Variants in CSMD1 observed in about 807,000 individuals in gnomAD.
CSMD1 encodes the protein CUB and sushi domain-containing protein 1.
Under a neutral mutation model 417.5 loss-of-function variants are expected in CSMD1, and 213 were observed. The ratio of observed to expected loss-of-function variants is 0.51; its 90% confidence interval spans 0.46 to 0.57. The LOEUF (loss-of-function observed/expected upper bound fraction) is 0.57, where lower values mean the gene tolerates loss of function less well. Ranked by LOEUF, CSMD1 falls within the 20% of genes least tolerant of loss-of-function variation. The probability of loss-of-function intolerance (pLI) is 0.00; values close to 1 mark genes in which losing one functional copy is unlikely to be tolerated. For synonymous variants in CSMD1, 2,862 were observed against 1,736.8 expected (o/e 1.65, Z -16.11); for missense variants, 6,923 against 4,529.7 (o/e 1.53, Z -15.17).
chr8:4,229,205 T>C (rs147889013), intron 3 of CSMD1, among the ~76,000 whole-genome samples: 2 of 152,226 alleles, frequency 1.3e-5, no homozygotes, highest in African/African-American at 4.8e-5. Context: ...TTCTGTCAAA[T>C]ACCAAATCAG....
At chr8:3,614,474 T>C (rs534142018) in intron 8 of CSMD1, among the ~76,000 whole-genome samples, 3 of 152,298 alleles carry the variant, frequency 2.0e-5, no homozygotes, top group South Asian at 2.1e-4. Flanking sequence ...ACCTAGGATA[T>C]GATTAAAACT....
At chr8:3,308,736 T>TTG (rs1805091965) in intron 23 of CSMD1, among the ~76,000 whole-genome samples, 1 of 61,798 alleles carries the variant, frequency 1.6e-5, no homozygotes, top group Non-Finnish European at 4.4e-5. Context: ...TTACAAGTTT[T>TTG]TTTTTTTTTT....
At chr8:4,493,560 C>A (rs1387975602) in intron 2 of CSMD1, among the ~76,000 whole-genome samples, 2 of 152,070 alleles carry the variant, frequency 1.3e-5, no homozygotes, top group East Asian at 1.9e-4. Flanking sequence ...ATTAGCCAGG[C>A]AATGGGGCAT....
chr8:3,692,647 G>A (rs1201200666), intron 7 of CSMD1, among the ~76,000 whole-genome samples: 1 of 152,012 alleles, frequency 6.6e-6, no homozygotes, highest in Non-Finnish European at 1.5e-5. Context: ...TGGTCAGGCT[G>A]GTCTCGAACC....
intron 5 of CSMD1, among the ~76,000 whole-genome samples, chr8:3,929,314 C>T (rs543095896): frequency 6.6e-6 from 1 of 150,516 alleles, no homozygotes; most frequent in Non-Finnish European, 1.5e-5. Context: ...ATTAAAAACT[C>T]ATCTTCCAGG....
At chr8:4,174,993 T>G (rs1797964690) in intron 3 of CSMD1, among the ~76,000 whole-genome samples, 1 of 151,612 alleles carries the variant, frequency 6.6e-6, no homozygotes, top group Admixed American at 6.6e-5. Flanking sequence ...CTTGCTGAAT[T>G]GGAATCTCTT....
intron 12 of CSMD1, among the ~76,000 whole-genome samples, chr8:3,429,355 TG>T (rs1360817536): frequency 6.6e-6 from 1 of 152,184 alleles, no homozygotes; most frequent in East Asian, 1.9e-4. Flanking sequence ...GGAAACAATT[TG>T]GTAACTTTTT....
At chr8:3,945,755 G>C (rs1811181843) in intron 5 of CSMD1, among the ~76,000 whole-genome samples, 1 of 152,096 alleles carries the variant, frequency 6.6e-6, no homozygotes, top group South Asian at 2.1e-4. Context: ...CCAAGAAATG[G>C]GCTGGAACTG....
chr8:4,014,378 A>G (rs1388441526), intron 4 of CSMD1, among the ~76,000 whole-genome samples: 1 of 152,172 alleles, frequency 6.6e-6, no homozygotes, highest in African/African-American at 2.4e-5. Context: ...AAATTATGTC[A>G]ATGCACATAG....
chr8:3,541,615 G>A (rs1324967283), intron 10 of CSMD1, among the ~76,000 whole-genome samples: 1 of 149,888 alleles, frequency 6.7e-6, no homozygotes, highest in Non-Finnish European at 1.5e-5. Flanking sequence ...AATGGGTCAT[G>A]ATTTTTACAG....
intron 7 of CSMD1, among the ~76,000 whole-genome samples, chr8:3,667,718 G>A (rs1410589570): frequency 6.6e-6 from 1 of 152,204 alleles, no homozygotes; most frequent in South Asian, 2.1e-4. Context: ...AGGATTAGTA[G>A]TTACTCATTA....
At chr8:3,297,426 T>C (rs963173311) in intron 25 of CSMD1, among the ~76,000 whole-genome samples, 14 of 152,180 alleles carry the variant, frequency 9.2e-5, no homozygotes, top group East Asian at 1.9e-4. Context: ...AGATGTATTA[T>C]AAAGTAAATC....
intron 1 of CSMD1, among the ~76,000 whole-genome samples, chr8:4,931,831 A>G (rs1417789534): frequency 6.6e-6 from 1 of 152,210 alleles, no homozygotes; most frequent in East Asian, 1.9e-4. Flanking sequence ...AGAGTTTTAA[A>G]ATGCAGTATA....
At chr8:3,920,927 A>G (rs1307372192) in intron 5 of CSMD1, among the ~76,000 whole-genome samples, 3 of 152,156 alleles carry the variant, frequency 2.0e-5, no homozygotes, top group African/African-American at 7.2e-5. Flanking sequence ...ATTGGCCTGT[A>G]CATTTCTTTT....
At chr8:3,636,737 G>A (rs958365842) in intron 7 of CSMD1, among the ~76,000 whole-genome samples, 2 of 152,210 alleles carry the variant, frequency 1.3e-5, no homozygotes, top group Admixed American at 6.5e-5. Context: ...AGCTGGCTCA[G>A]CGAGGATGGC....
chr8:4,572,293 C>T (rs147061547), intron 2 of CSMD1, among the ~76,000 whole-genome samples: 2 of 152,250 alleles, frequency 1.3e-5, no homozygotes, highest in Non-Finnish European at 2.9e-5. Flanking sequence ...CCTTCAGGAG[C>T]TCTTATAAGG....
At chr8:3,805,690 G>A (rs758390010) in intron 5 of CSMD1, among the ~76,000 whole-genome samples, 8 of 152,060 alleles carry the variant, frequency 5.3e-5, no homozygotes, top group Non-Finnish European at 1.0e-4. Flanking sequence ...GTACCATTGT[G>A]TTTCATTCTT....
At chr8:3,829,988 C>T (rs188403444) in intron 5 of CSMD1, among the ~76,000 whole-genome samples, 1 of 152,074 alleles carries the variant, frequency 6.6e-6, no homozygotes. Context: ...TTTGTTTATA[C>T]ATTTGTTTTC....
chr8:4,009,560 G>C (rs914504113), intron 4 of CSMD1, among the ~76,000 whole-genome samples: 5 of 152,184 alleles, frequency 3.3e-5, no homozygotes, highest in Non-Finnish European at 4.4e-5. Context: ...TAAAAATGCA[G>C]GTTATACAGT....
Sources: allele counts gnomAD v4.1 joint callset (sites outside exome capture counted in the v4.1 genomes callset), GRCh38; gene constraint gnomAD v4.1.1; transcripts MANE v1.5; gene names NCBI Gene and HGNC (gene_info 2026-07-23, HGNC 2026-07-21).